The following ARHGEF28 variants were observed in gnomAD, a reference collection of about 807,000 sequenced individuals.
ARHGEF28 encodes the protein 190 kDa guanine nucleotide exchange factor.
A neutral mutation model predicts 206.6 loss-of-function variants in ARHGEF28; 152 were observed. The ratio of observed to expected loss-of-function variants is 0.74; its 90% CI spans 0.64 to 0.84. The LOEUF (loss-of-function observed/expected upper bound fraction) is 0.84. Ranked by LOEUF, ARHGEF28 falls within the 40% of genes least tolerant of loss-of-function variation. ARHGEF28 has a pLI of 0.00. For missense variants in ARHGEF28, 2,028 were observed against 2,073.2 expected, an observed-to-expected ratio of 0.98 and a Z score of 0.42; for synonymous variants, 763 against 776.4, an observed-to-expected ratio of 0.98 and a Z score of 0.29.
At chr5:73,701,969 T>C (rs1748633073) in intron 2 of ARHGEF28, among the ~76,000 whole-genome samples, 1 of 152,266 alleles carries the variant, frequency 6.6e-6, no homozygotes, top group African/African-American at 2.4e-5. Flanking sequence ...GGTTTTTGTC[T>C]GGACATAATT....
At chr5:73,862,006 G>T (rs1759433879) in intron 16 of ARHGEF28, among the ~76,000 whole-genome samples, 2 of 151,952 alleles carry the variant, frequency 1.3e-5, no homozygotes, top group South Asian at 4.1e-4. Context: ...AATTGTGAAG[G>T]TTAATATTCC....
chr5:73,718,537 TC>T (rs1749727493), intron 2 of ARHGEF28, among the ~76,000 whole-genome samples: 2 of 152,162 alleles, frequency 1.3e-5, no homozygotes, highest in African/African-American at 4.8e-5. Flanking sequence ...GACTCATTCA[TC>T]TTTGAGTGTC....
intron 27 of ARHGEF28, among the ~76,000 whole-genome samples, chr5:73,892,700 A>C (rs1282534272): frequency 6.6e-6 from 1 of 152,092 alleles, no homozygotes; most frequent in Non-Finnish European, 1.5e-5. Context: ...TCATTCAATA[A>C]ATGTTTCTGA....
chr5:73,670,045 T>G (rs1746211919), intron 1 of ARHGEF28, among the ~76,000 whole-genome samples: 1 of 152,208 alleles, frequency 6.6e-6, no homozygotes, highest in South Asian at 2.1e-4. Context: ...TTGTCATTTG[T>G]GTAAGTTCAT....
intron 2 of ARHGEF28, among the ~76,000 whole-genome samples, chr5:73,714,442 G>A (rs916462243): frequency 1.4e-4 from 21 of 152,118 alleles, no homozygotes; most frequent in Non-Finnish European, 4.4e-5. Context: ...GAATATCACC[G>A]GGTGTTGAAA....
In ARHGEF28 at chr5:73,893,056, A is replaced by AG. The variant is rs148806010; in HGVS notation, c.3567-135dup. The AG allele has an allele frequency of 0.012, 7,652 of 619,114 alleles. 499 individuals are homozygous for AG. In the African/African-American group the frequency reaches 0.13, roughly 10 times the overall value. 38.4% of individuals were successfully genotyped at this position (619,114 alleles called of 1,614,324 possible). The stretch of plus-strand genomic sequence containing the variant: ...TCTCAAGAAAACCAAGTCTCTGGCC[A>AG]GGGGGGATGATGCATTCCCTTTATG... On this transcript the variant is annotated intron_variant, in intron 27 of 35. Transcript: ENST00000513042.
chr5:73,734,275 G>T (rs1342002159), intron 2 of ARHGEF28, among the ~76,000 whole-genome samples: 1 of 152,168 alleles, frequency 6.6e-6, no homozygotes, highest in Admixed American at 6.5e-5. Flanking sequence ...AGACAGGTTG[G>T]GATGAGATGG....
chr5:73,744,505 T>A (rs1304014444), intron 2 of ARHGEF28, among the ~76,000 whole-genome samples: 1 of 151,962 alleles, frequency 6.6e-6, no homozygotes, highest in African/African-American at 2.4e-5. Context: ...TCTTACAAAG[T>A]TCAGTACACT....
chr5:73,880,061 G>A (rs1343647968), intron 22 of ARHGEF28, among the ~76,000 whole-genome samples: 1 of 152,232 alleles, frequency 6.6e-6, no homozygotes, highest in Non-Finnish European at 1.5e-5. Context: ...AGGCCTCCTT[G>A]AGCTGTGGTG....
intron 22 of ARHGEF28, among the ~76,000 whole-genome samples, chr5:73,881,128 C>G (rs1458675453): frequency 6.6e-6 from 1 of 150,468 alleles, no homozygotes; most frequent in East Asian, 2.0e-4. Context: ...GCATTTTTGT[C>G]AAAAATCATG....
intron 9 of ARHGEF28, chr5:73,803,482 T>G (rs1339737786): frequency 6.4e-6 from 1 of 155,234 alleles, no homozygotes; most frequent in Admixed American, 6.5e-5. Flanking sequence ...GAAGAGTTTC[T>G]GTATGGGACC....
chr5:73,748,699 C>T (rs1751869185), intron 2 of ARHGEF28, among the ~76,000 whole-genome samples: 1 of 152,162 alleles, frequency 6.6e-6, no homozygotes, highest in Non-Finnish European at 1.5e-5. Context: ...CCAGATGCTT[C>T]TCCACGCAGG....
At chr5:73,862,617 G>A (rs1661585179) in intron 16 of ARHGEF28, among the ~76,000 whole-genome samples, 1 of 152,000 alleles carries the variant, frequency 6.6e-6, no homozygotes, top group Non-Finnish European at 1.5e-5. Context: ...TAGCTTTAAG[G>A]CTGTGGAAGG....
intron 9 of ARHGEF28, among the ~76,000 whole-genome samples, chr5:73,812,002 A>G (rs989419166): frequency 3.2e-4 from 48 of 150,698 alleles, no homozygotes; most frequent in African/African-American, 1.2e-3. Context: ...AAAAAAAGCC[A>G]CAAAATAGAA....
intron 2 of ARHGEF28, among the ~76,000 whole-genome samples, chr5:73,737,446 T>TCTTTTCTTTTCTTTTCTTTTC (rs1751023079): frequency 3.5e-5 from 1 of 28,658 alleles, no homozygotes; most frequent in Non-Finnish European, 6.2e-5. Flanking sequence ...TTCCTTCTTT[T>TCTTTTCTTTTCTTTTCTTTTC]CTTTTCTTTT....
chr5:73,734,133 G>A (rs1340433412), intron 2 of ARHGEF28, among the ~76,000 whole-genome samples: 2 of 152,094 alleles, frequency 1.3e-5, no homozygotes, highest in Non-Finnish European at 2.9e-5. Context: ...ATGGGATTTG[G>A]GTAGGGACAT....
At chr5:73,933,686 C>T (rs1482436610) in intron 35 of ARHGEF28, among the ~76,000 whole-genome samples, 1 of 152,198 alleles carries the variant, frequency 6.6e-6, no homozygotes, top group African/African-American at 2.4e-5. Flanking sequence ...TGCCCACAGC[C>T]AGTCTTAATT....
intron 1 of ARHGEF28, among the ~76,000 whole-genome samples, chr5:73,629,865 C>T (rs764138776): frequency 9.2e-5 from 14 of 152,132 alleles, no homozygotes; most frequent in African/African-American, 3.4e-4. Flanking sequence ...ATAAATAACT[C>T]GAGGTCTGAT....
At chr5:73,750,779 G>T (rs983608021) in intron 3 of ARHGEF28, among the ~76,000 whole-genome samples, 5 of 152,068 alleles carry the variant, frequency 3.3e-5, no homozygotes, top group African/African-American at 1.2e-4. Flanking sequence ...TGATTGGTTG[G>T]TTTTTCTTAA....
Sources: allele counts gnomAD v4.1 joint callset (sites outside exome capture counted in the v4.1 genomes callset), GRCh38; gene constraint gnomAD v4.1.1; transcripts MANE v1.5; gene names NCBI Gene and HGNC (gene_info 2026-07-23, HGNC 2026-07-21).